The following SOCS7 variants were observed in gnomAD, a reference collection of about 807,000 sequenced individuals.
The protein encoded by SOCS7 is suppressor of cytokine signaling 7.
Under a neutral mutation model 58.9 loss-of-function variants are expected in SOCS7, and 18 were observed. The observed-to-expected ratio is 0.31, with a 90% confidence interval of 0.21 to 0.45. SOCS7 has a LOEUF of 0.45. Ranked by LOEUF, SOCS7 falls within the 20% of genes least tolerant of loss-of-function variation. The pLI, the probability that SOCS7 is intolerant of heterozygous loss-of-function variation, is 1.00. For synonymous variants in SOCS7, 388 were observed against 364.3 expected, an observed-to-expected ratio of 1.06 and a Z score of -0.74; for missense variants, 667 against 837.3, an observed-to-expected ratio of 0.80 and a Z score of 2.51.
At chr17:38,359,934 C>T (rs1555567330) in intron 1 of SOCS7, among the ~76,000 whole-genome samples, 2 of 151,650 alleles carry the variant, frequency 1.3e-5, no homozygotes, top group East Asian at 1.9e-4. Flanking sequence ...TGCACCACCA[C>T]GCCCAGCTAA....
At chr17:38,363,820 A>G (rs1173824447) in intron 2 of SOCS7, among the ~76,000 whole-genome samples, 1 of 152,204 alleles carries the variant, frequency 6.6e-6, no homozygotes, top group East Asian at 1.9e-4. Flanking sequence ...GAATTAAAAA[A>G]AAAGGTGTTG....
chr17:38,366,062 T>C, intron 4 of SOCS7: 1 of 1,296,604 alleles, frequency 7.7e-7, no homozygotes, highest in Non-Finnish European at 9.9e-7. Context: ...TCCCCCTTTC[T>C]TGGGGTCAAG....
chr17:38,366,442 G>T (rs761582484), intron 5 of SOCS7, 25 bp downstream of exon 5: 1 of 1,613,538 alleles, frequency 6.2e-7, no homozygotes, highest in Admixed American at 1.7e-5. Context: ...AGGACTGGCA[G>T]GTCACTTCTC....
chr17:38,392,241 A>G (rs2038181428), intron 7 of SOCS7, among the ~76,000 whole-genome samples: 2 of 152,372 alleles, frequency 1.3e-5, no homozygotes, highest in South Asian at 4.1e-4. Flanking sequence ...TTGTAAACCT[A>G]AAGGCTAAAA....
At chr17:38,375,967 G>C (rs2037925986) in intron 6 of SOCS7, 1 of 151,792 alleles carries the variant, frequency 6.6e-6, no homozygotes, top group Non-Finnish European at 1.5e-5. Context: ...TTACAGGCAT[G>C]TACCACCATG....
At chr17:38,353,085 C>G in intron 1 of SOCS7, 53 bp downstream of exon 1, 5 of 1,454,702 alleles carry the variant, frequency 3.4e-6, no homozygotes, top group Non-Finnish European at 4.6e-6. Context: ...TTTGGTTTCC[C>G]TTTTTATCTA....
intron 7 of SOCS7, among the ~76,000 whole-genome samples, chr17:38,387,568 A>G (rs1488153563): frequency 7.2e-6 from 1 of 138,936 alleles, no homozygotes; most frequent in South Asian, 2.2e-4. Context: ...AATACATAAT[A>G]TATATACACA....
At chr17:38,361,898 C>T (rs1555567668) in intron 2 of SOCS7, 123 bp downstream of exon 2, 8 of 701,176 alleles carry the variant, frequency 1.1e-5, no homozygotes, top group African/African-American at 1.8e-5. Context: ...TTCCTTCATT[C>T]CATGCTTAGT....
chr17:38,374,496 G>A (rs1245474960), intron 6 of SOCS7, among the ~76,000 whole-genome samples: 1 of 152,232 alleles, frequency 6.6e-6, no homozygotes, highest in African/African-American at 2.4e-5. Context: ...AACAGAGTGA[G>A]ACCCTGTCTC....
At chr17:38,389,906 T>TATATATATGTACATATATATATATGTAC (rs1555571102) in intron 7 of SOCS7, among the ~76,000 whole-genome samples, 2 of 103,470 alleles carry the variant, frequency 1.9e-5, no homozygotes, top group Non-Finnish European at 3.6e-5. Context: ...TATACACATA[T>TATATATATGTACATATATATATATGTAC]AGAGAGAGAG....
chr17:38,359,978 A>G (rs1555567338), intron 1 of SOCS7, among the ~76,000 whole-genome samples: 1 of 151,630 alleles, frequency 6.6e-6, no homozygotes, highest in African/African-American at 2.4e-5. Context: ...AGGTTTCATC[A>G]TGTTGCCCAG....
intron 7 of SOCS7, among the ~76,000 whole-genome samples, chr17:38,387,101 AAATATATATATATAT>A (rs2038079867): frequency 2.3e-5 from 2 of 85,560 alleles, no homozygotes; most frequent in Non-Finnish European, 2.0e-5. Context: ...AAAAAAAAAA[AAATATATATATATAT>A]ATATATATAT....
rs1022542840 is a variant in SOCS7 at position 38,402,054 on chromosome 17, A to G, written c.*2572A>G. 6.6e-6 allele frequency: 1 copy of G among 152,298 alleles called. No homozygotes were observed. Among genetic ancestry groups the G allele is most frequent in the Non-Finnish European group, 1.5e-5 (1 of 68,140 alleles). 9.4% of individuals were successfully genotyped at this position (152,298 alleles called of 1,614,324 possible). On this transcript the variant is annotated 3_prime_UTR_variant, in exon 10 of 10. Transcript: ENST00000612932. The stretch of plus-strand genomic sequence containing the variant: ...GAGAACTCATACATTCAGGTACAAA[A>G]CAAACCAACTGAGGAGGTGTGACCC...
At chr17:38,387,131 A>ATATATATATATG (rs1163854242) in intron 7 of SOCS7, among the ~76,000 whole-genome samples, 1 of 87,908 alleles carries the variant, frequency 1.1e-5, no homozygotes, top group African/African-American at 6.4e-5. Context: ...ATATATATGT[A>ATATATATATATG]TGTATATATA....
At chr17:38,384,599 T>C (rs1425600641) in intron 7 of SOCS7, among the ~76,000 whole-genome samples, 1 of 152,064 alleles carries the variant, frequency 6.6e-6, no homozygotes, top group East Asian at 1.9e-4. Flanking sequence ...CAGCTTCTTT[T>C]TTTTTTCTTT....
intron 7 of SOCS7, among the ~76,000 whole-genome samples, chr17:38,385,912 G>A (rs1266702483): frequency 1.3e-5 from 2 of 152,118 alleles, no homozygotes; most frequent in East Asian, 3.8e-4. Flanking sequence ...TATAATAGTA[G>A]CTCATGCCTA....
chr17:38,361,891 C>A, intron 2 of SOCS7, 116 bp downstream of exon 2: 1 of 727,964 alleles, frequency 1.4e-6, no homozygotes, highest in Admixed American at 2.7e-5. Context: ...CAGTTATTTC[C>A]TTCATTCCAT....
At chr17:38,358,307 A>G (rs758624952) in intron 1 of SOCS7, among the ~76,000 whole-genome samples, 1 of 152,226 alleles carries the variant, frequency 6.6e-6, no homozygotes, top group Non-Finnish European at 1.5e-5. Flanking sequence ...TTAAAATGTT[A>G]TCTGAAATTC....
chr17:38,353,114 C>T (rs1178998505), intron 1 of SOCS7, 82 bp downstream of exon 1: 1 of 1,325,424 alleles, frequency 7.5e-7, no homozygotes, highest in East Asian at 2.5e-5. Context: ...GCGATCCTGA[C>T]AGTTCTTAAG....
Sources: gnomAD v4.1 joint callset for allele counts (sites outside exome capture counted in the v4.1 genomes callset) on GRCh38, gnomAD v4.1.1 for gene constraint, MANE v1.5 for transcripts, NCBI Gene and HGNC (gene_info 2026-07-23, HGNC 2026-07-21) for gene names.